The following JAK2 variants were observed in gnomAD, a reference collection of about 807,000 sequenced individuals.
JAK2 encodes the protein Janus kinase 2.
Under a neutral mutation model 139.3 loss-of-function variants are expected in JAK2, and 86 were observed. The ratio of observed to expected loss-of-function variants is 0.62; its 90% CI spans 0.52 to 0.74. The LOEUF (loss-of-function observed/expected upper bound fraction) is 0.74, where lower values mean the gene tolerates loss of function less well. JAK2 is among the 30% of genes least tolerant of loss of function. The pLI is 0.00. For synonymous variants in JAK2, 490 were observed against 437.7 expected, an observed-to-expected ratio of 1.12 and a Z score of -1.49; for missense variants, 1,421 against 1,360.3, an observed-to-expected ratio of 1.04 and a Z score of -0.70.
chr9:5,010,448 G>A (rs1169704239), intron 2 of JAK2, among the ~76,000 whole-genome samples: 1 of 151,904 alleles, frequency 6.6e-6, no homozygotes, highest in Non-Finnish European at 1.5e-5. Context: ...AGCCTCCCGT[G>A]TAGCTGGGAT....
chr9:5,031,685 T>C (rs1823156897), intron 4 of JAK2, among the ~76,000 whole-genome samples: 2 of 152,300 alleles, frequency 1.3e-5, no homozygotes, highest in South Asian at 2.1e-4. Flanking sequence ...TGCAAAACAA[T>C]AGAAAAAATC....
In JAK2 at chr9:5,078,254, C is replaced by T. The variant is rs1563981518; in HGVS notation, c.1993-52C>T. On this transcript the variant is annotated intron_variant, in intron 15 of 24. Transcript: ENST00000381652. ...TTTGGGGGCTTGAACATACTAAATG[C>T]TCCAGTACTTGTGGACTGATATTTG... 4.1e-6 allele frequency: 6 copies of T among 1,470,370 alleles called. No individual in the cohort carries two copies. The Admixed American group carries it at 7.2e-5, about 18-fold the overall frequency. 91.1% of individuals were successfully genotyped at this position (1,470,370 alleles called of 1,614,324 possible). A position where few individuals can be genotyped will look rare whatever the true frequency, so the allele number is the denominator to read the frequency against.
chr9:5,003,460 A>G (rs934257548), intron 2 of JAK2, among the ~76,000 whole-genome samples: 2 of 151,830 alleles, frequency 1.3e-5, no homozygotes, highest in African/African-American at 4.8e-5. Context: ...ATTCCTAGGT[A>G]TTTGATTTTT....
chr9:5,069,984 A>G lies in JAK2; in HGVS notation c.1573A>G (p.Thr525Ala), dbSNP rs755710326. 9.3e-6 allele frequency: 15 copies of G among 1,608,870 alleles called. No homozygotes were observed. The South Asian group carries it at 1.4e-4, about 15-fold the overall frequency. ...TGTTTCTGATGTACCAACCTCACCA[A>G]CATTACAGAGGCCTACTCATATGAA... ...NGVSDVPTSP[T>A]LQRPTHMNQM... is the part of the protein sequence containing the mutation. Residue 525 changes from threonine (T) to alanine (A), a missense_variant, in exon 12 of 25, where the codon ACA (threonine) becomes GCA (alanine). Transcript: ENST00000381652.
intron 2 of JAK2, 64 bp downstream of exon 2, chr9:4,986,086 G>C (rs1587786727): frequency 6.6e-6 from 1 of 152,596 alleles, no homozygotes; most frequent in Non-Finnish European, 1.5e-5. Context: ...GAGTGCGTGC[G>C]TAGGGAAGGT....
chr9:5,085,987 G>C, intron 19 of JAK2: 1 of 960,410 alleles, frequency 1.0e-6, no homozygotes, highest in East Asian at 2.4e-5. Context: ...TTGCTGTACG[G>C]GGTTGTGTGA....
Position 5,072,699 on chromosome 9 carries a change from C to G in JAK2, c.1776+73C>G, listed in dbSNP as rs774342641. The G allele has an allele frequency of 3.5e-4, 381 of 1,101,544 alleles. 1 individual carries two copies. The highest frequency in any genetic ancestry group is 4.6e-4 in the Non-Finnish European group (374 of 818,818). 68.2% of individuals were successfully genotyped at this position (1,101,544 alleles called of 1,614,324 possible). On this transcript the variant is annotated intron_variant, in intron 13 of 24. Transcript: ENST00000381652. ...TGTGCTCTCATATGCATACAACGTACTCATGTGTGCAGCTTTTCAAAATTG... is the reference window on the plus strand; with the variant it reads ...TGTGCTCTCATATGCATACAACGTAGTCATGTGTGCAGCTTTTCAAAATTG...
At chr9:5,080,732 G>T (rs780240164) in intron 18 of JAK2, 49 bp downstream of exon 18, 11 of 1,339,854 alleles carry the variant, frequency 8.2e-6, no homozygotes, top group Non-Finnish European at 1.0e-5. Flanking sequence ...TATCTTTATT[G>T]TATTTAATGA....
chr9:5,067,750 C>T (rs992488603), intron 10 of JAK2, among the ~76,000 whole-genome samples: 1 of 152,082 alleles, frequency 6.6e-6, no homozygotes, highest in Admixed American at 6.6e-5. Context: ...CTTCAGGAAA[C>T]TTATCTACTG....
At chr9:5,011,728 T>C (rs957378546) in intron 2 of JAK2, among the ~76,000 whole-genome samples, 1 of 152,166 alleles carries the variant, frequency 6.6e-6, no homozygotes, top group Non-Finnish European at 1.5e-5. Flanking sequence ...CTCCGGATGA[T>C]GTGGATTTCA....
At position 5,038,394 on chromosome 9, in the gene JAK2, G is replaced by C. The variant is rs1327264134; in HGVS notation, c.351-6009G>C. ...CTAGTTATTCACAAAAAATAGAAAA[G>C]GAAGGAGGATTTCTGAGCTCTTTCT... On this transcript the variant is annotated intron_variant, in intron 4 of 24. Transcript: ENST00000381652. Among the ~76,000 whole-genome samples, 3 of 152,230 alleles carry C rather than the reference G, an allele frequency of 2.0e-5. No homozygotes were observed. The East Asian group carries it at 5.8e-4, about 29-fold the overall frequency.
intron 23 of JAK2, among the ~76,000 whole-genome samples, chr9:5,123,966 G>A (rs1381603738): frequency 6.6e-6 from 1 of 151,008 alleles, no homozygotes; most frequent in Non-Finnish European, 1.5e-5. Flanking sequence ...GGTGATTAGT[G>A]ATTAGCATTT....
intron 22 of JAK2, chr9:5,111,969 G>T (rs561997760): frequency 2.8e-6 from 1 of 351,698 alleles, no homozygotes; most frequent in Non-Finnish European, 5.6e-6. Flanking sequence ...CCCCTCCACC[G>T]CCGTGGGCTC....
At chr9:5,071,905 G>A (rs1269421828) in intron 12 of JAK2, among the ~76,000 whole-genome samples, 1 of 152,188 alleles carries the variant, frequency 6.6e-6, no homozygotes, top group Non-Finnish European at 1.5e-5. Flanking sequence ...AGAAATACTA[G>A]TATTAGTAGT....
chr9:5,021,710 C>T (rs1173852545), intron 2 of JAK2, among the ~76,000 whole-genome samples: 2 of 152,154 alleles, frequency 1.3e-5, no homozygotes, highest in African/African-American at 2.4e-5. Context: ...GCTGCAGCCT[C>T]ATCCTCCCAG....
chr9:5,081,254 A>T (rs966508415), intron 18 of JAK2, among the ~76,000 whole-genome samples: 1 of 104,594 alleles, frequency 9.6e-6, no homozygotes, highest in Non-Finnish European at 1.8e-5. Flanking sequence ...GTTGTAAATT[A>T]TAGTATTTTT....
In JAK2 at chr9:5,068,937, T is replaced by A. The variant is rs567885798; in HGVS notation, c.1327-85T>A. 8.5e-5 allele frequency: 64 copies of A among 754,116 alleles called. No homozygotes were observed. In the African/African-American group the frequency reaches 1.0e-3, roughly 12 times the overall value. The allele number at this position is 754,116 out of a possible 1,614,324, so 46.7% of individuals were successfully genotyped here. ...GTTCAAATGTTTATTCTGTTGCTTG[T>A]TCTTGTGATATCATTTTGTCAGAAT... On this transcript the variant is annotated intron_variant, in intron 10 of 24. Coordinates refer to ENST00000381652, the MANE Select transcript of JAK2 (RefSeq NM_004972.4).
intron 2 of JAK2, among the ~76,000 whole-genome samples, chr9:4,998,770 C>G (rs569219078): frequency 6.6e-6 from 1 of 151,640 alleles, no homozygotes; most frequent in Non-Finnish European, 1.5e-5. Flanking sequence ...AAACCAAAAC[C>G]AGAAAAGGGA....
intron 2 of JAK2, among the ~76,000 whole-genome samples, chr9:5,001,228 T>C (rs1024512090): frequency 2.6e-5 from 4 of 152,176 alleles, no homozygotes; most frequent in African/African-American, 7.2e-5. Context: ...GAACCTCCAG[T>C]GTTGAATAGA....
Sources: allele counts gnomAD v4.1 joint callset (sites outside exome capture counted in the v4.1 genomes callset), GRCh38; gene constraint gnomAD v4.1.1; transcripts MANE v1.5; gene names NCBI Gene and HGNC (gene_info 2026-07-23, HGNC 2026-07-21).